The following PID1 variants were observed in gnomAD, a reference collection of about 807,000 sequenced individuals.
PID1 encodes phosphotyrosine interaction domain containing 1, also known as PTB-containing, cubilin and LRP1-interacting protein.
In PID1, 10 loss-of-function variants were observed where a neutral mutation model predicts 19.1. The observed-to-expected ratio is 0.52, with a 90% CI of 0.32 to 0.89. PID1 has a LOEUF of 0.89. Among genes scored for constraint, PID1 ranks in the 40% least tolerant of loss-of-function variants. The probability of loss-of-function intolerance (pLI) is 0.03; values close to 1 mark genes in which losing one functional copy is unlikely to be tolerated. For missense variants in PID1, 248 were observed against 285.3 expected (o/e 0.87, Z 0.94); for synonymous variants, 130 against 116.0 (o/e 1.12, Z -0.78).
chr2:229,190,326 A>G (rs560642903), intron 1 of PID1, among the ~76,000 whole-genome samples: 1 of 152,374 alleles, frequency 6.6e-6, no homozygotes, highest in East Asian at 1.9e-4. Context: ...TGCAAATGAT[A>G]GAGTTGAACC....
At chr2:229,109,319 T>C (rs548782707) in intron 2 of PID1, among the ~76,000 whole-genome samples, 1 of 152,218 alleles carries the variant, frequency 6.6e-6, no homozygotes, top group South Asian at 2.1e-4. Flanking sequence ...TCTAATATAG[T>C]GTATTTCTGT....
chr2:229,213,954 C>T (rs1274880607), intron 1 of PID1, among the ~76,000 whole-genome samples: 1 of 152,170 alleles, frequency 6.6e-6, no homozygotes, highest in East Asian at 1.9e-4. Context: ...CATCATTACA[C>T]TTTGAACATG....
intron 1 of PID1, among the ~76,000 whole-genome samples, chr2:229,181,960 G>A (rs1402036185): frequency 6.6e-6 from 1 of 152,196 alleles, no homozygotes; most frequent in Non-Finnish European, 1.5e-5. Context: ...ATCTGAGAAG[G>A]CCACATACTG....
At chr2:229,252,011 T>C (rs934211276) in intron 1 of PID1, among the ~76,000 whole-genome samples, 2 of 137,530 alleles carry the variant, frequency 1.5e-5, no homozygotes, top group Non-Finnish European at 3.1e-5. Context: ...AAGAATGCAA[T>C]GGCTTTGAAG....
chr2:229,091,289 T>C (rs1052048717), intron 2 of PID1, among the ~76,000 whole-genome samples: 3 of 151,530 alleles, frequency 2.0e-5, no homozygotes, highest in African/African-American at 7.3e-5. Context: ...TTCAAAGCAA[T>C]GGGTTTAGAC....
intron 2 of PID1, among the ~76,000 whole-genome samples, chr2:229,113,573 T>C (rs1695345736): frequency 7.4e-6 from 1 of 135,010 alleles, no homozygotes; most frequent in Non-Finnish European, 1.6e-5. Context: ...TGTTTGTGTA[T>C]GTGTGTATGT....
At chr2:229,218,889 G>T (rs954268602) in intron 1 of PID1, among the ~76,000 whole-genome samples, 1 of 152,160 alleles carries the variant, frequency 6.6e-6, no homozygotes, top group African/African-American at 2.4e-5. Flanking sequence ...TCTGCATAAA[G>T]ACAGACTAAT....
intron 2 of PID1, among the ~76,000 whole-genome samples, chr2:229,061,892 A>G (rs1340029694): frequency 6.6e-6 from 1 of 151,938 alleles, no homozygotes; most frequent in Non-Finnish European, 1.5e-5. Flanking sequence ...TTTCTTTTTC[A>G]GACAGCTCAC....
intron 2 of PID1, among the ~76,000 whole-genome samples, chr2:229,146,454 C>T (rs914234271): frequency 2.0e-5 from 3 of 151,980 alleles, no homozygotes; most frequent in African/African-American, 7.3e-5. Context: ...TGTAACAAAC[C>T]TGCACGTTCT....
At chr2:229,187,832 A>C (rs933702066) in intron 1 of PID1, among the ~76,000 whole-genome samples, 1 of 152,022 alleles carries the variant, frequency 6.6e-6, no homozygotes, top group Non-Finnish European at 1.5e-5. Flanking sequence ...TCTATAGAAA[A>C]CCTCAGTTTT....
intron 1 of PID1, among the ~76,000 whole-genome samples, chr2:229,228,280 T>C (rs1020957454): frequency 6.6e-6 from 1 of 152,212 alleles, no homozygotes; most frequent in Non-Finnish European, 1.5e-5. Flanking sequence ...CATTTTCTGT[T>C]ACAATTGTTA....
Position 229,025,605 on chromosome 2 carries a change from G to A in PID1, c.*27C>T. The A allele has an allele frequency of 6.5e-7, 1 of 1,534,646 alleles. No individual in the cohort carries two copies. Among genetic ancestry groups the A allele is most frequent in the Non-Finnish European group, 9.0e-7 (1 of 1,112,432 alleles). ...TCCCTTGAACTCCGTGACCAATGCTGCCTTTGCTGAAGCGTCTCAAGTTCA... is the reference window on the plus strand; with the variant it reads ...TCCCTTGAACTCCGTGACCAATGCTACCTTTGCTGAAGCGTCTCAAGTTCA... On this transcript the variant is annotated 3_prime_UTR_variant, in exon 3 of 3. Transcript: ENST00000392055.
intron 2 of PID1, among the ~76,000 whole-genome samples, chr2:229,044,547 C>T (rs1428306124): frequency 6.6e-6 from 1 of 152,200 alleles, no homozygotes; most frequent in Non-Finnish European, 1.5e-5. Context: ...TCAAACTCTA[C>T]ACTAGTGATT....
At chr2:229,027,798 G>A (rs1273781565) in intron 2 of PID1, among the ~76,000 whole-genome samples, 1 of 152,206 alleles carries the variant, frequency 6.6e-6, no homozygotes, top group Non-Finnish European at 1.5e-5. Flanking sequence ...GACAGCCCTG[G>A]AGCAGAAGCC....
At chr2:229,101,859 A>C (rs76280454) in intron 2 of PID1, among the ~76,000 whole-genome samples, 2,310 of 152,248 alleles carry the variant, frequency 0.015, 27 homozygotes, top group South Asian at 0.036. Context: ...CAACCTACTA[A>C]TGTTATATTA....
At chr2:229,176,600 C>A (rs917729) in intron 1 of PID1, among the ~76,000 whole-genome samples, 2,702 of 152,302 alleles carry the variant, frequency 0.018, 84 homozygotes, top group African/African-American at 0.061. Context: ...ATGTCTACAT[C>A]TACTATGTTG....
intron 2 of PID1, among the ~76,000 whole-genome samples, chr2:229,050,858 T>C (rs1245632170): frequency 6.7e-6 from 1 of 150,306 alleles, no homozygotes; most frequent in Non-Finnish European, 1.5e-5. Flanking sequence ...AGAACAATCA[T>C]ATGGTTAAAA....
Position 229,025,369 on chromosome 2 carries a change from T to A in PID1, c.*263A>T. 5.6e-6 allele frequency: 2 copies of A among 355,458 alleles called. No individual in the cohort carries two copies. Among genetic ancestry groups the A allele is most frequent in the Non-Finnish European group, 4.8e-6 (1 of 209,946 alleles). 22.0% of individuals were successfully genotyped at this position (355,458 alleles called of 1,614,324 possible). A position where few individuals can be genotyped will look rare whatever the true frequency, so the allele number is the denominator to read the frequency against. On this transcript the variant is annotated 3_prime_UTR_variant, in exon 3 of 3. Transcript: ENST00000392055. ...TCTCCCACAGAGAGGCATTGGGAAA[T>A]GAGAAAAATAAGAGAGCCTAGAACC... is the stretch of plus-strand genomic sequence containing the variant.
chr2:229,160,356 A>C (rs1328389989), intron 1 of PID1, among the ~76,000 whole-genome samples: 4 of 116,784 alleles, frequency 3.4e-5, no homozygotes, highest in Non-Finnish European at 5.7e-5. Flanking sequence ...ACACAGATAA[A>C]CAGAAAAAGA....
Sources: gnomAD v4.1 joint callset for allele counts (sites outside exome capture counted in the v4.1 genomes callset) on GRCh38, gnomAD v4.1.1 for gene constraint, MANE v1.5 for transcripts, NCBI Gene and HGNC (gene_info 2026-07-23, HGNC 2026-07-21) for gene names.